The following ZBTB20 variants were observed in gnomAD, a reference collection of about 807,000 sequenced individuals.
ZBTB20 encodes the protein zinc finger and BTB domain containing 20.
Under a neutral mutation model 56.9 loss-of-function variants are expected in ZBTB20, and 9 were observed. That is an observed-to-expected ratio of 0.16 (90% confidence interval 0.10 to 0.28). ZBTB20 has a LOEUF of 0.28. Ranked by LOEUF, ZBTB20 falls within the 10% of genes least tolerant of loss-of-function variation. ZBTB20 has a pLI of 1.00. For missense variants in ZBTB20, 655 were observed against 1,003.0 expected (o/e 0.65, Z 4.69); for synonymous variants, 417 against 420.7 (o/e 0.99, Z 0.11).
intron 1 of ZBTB20, among the ~76,000 whole-genome samples, chr3:115,078,242 AATAG>A (rs2082664494): frequency 6.6e-6 from 1 of 152,216 alleles, no homozygotes; most frequent in Admixed American, 6.5e-5. Flanking sequence ...TGTTATTGCT[AATAG>A]ATATTCTATG....
intron 10 of ZBTB20, among the ~76,000 whole-genome samples, chr3:114,377,783 G>A (rs2083826756): frequency 6.6e-6 from 1 of 152,108 alleles, no homozygotes; most frequent in Admixed American, 6.5e-5. Context: ...CCATCTACCT[G>A]GGTGTCAATT....
chr3:115,067,221 T>C (rs1177369986), intron 2 of ZBTB20, among the ~76,000 whole-genome samples: 2 of 151,902 alleles, frequency 1.3e-5, no homozygotes, highest in Non-Finnish European at 2.9e-5. Context: ...CCAAATACTA[T>C]CCCCAACATA....
chr3:115,004,192 C>G (rs969695179), intron 2 of ZBTB20, among the ~76,000 whole-genome samples: 9 of 151,610 alleles, frequency 5.9e-5, no homozygotes, highest in African/African-American at 2.2e-4. Context: ...AAGAAATTAA[C>G]TCTGTGCTAC....
Position 114,947,868 on chromosome 3 carries a change from T to C in ZBTB20, c.-456+26498A>G, listed in dbSNP as rs1188666593. ...GACTCAAATAGTTTCACAGGTAAAT[T>C]ATTTCAAAAATTTAATGAAAAAAAA... On this transcript the variant is annotated intron_variant, in intron 3 of 11. Transcript: ENST00000675478. Among the ~76,000 whole-genome samples the C allele has an allele frequency of 2.8e-5, 4 of 145,354 alleles. 1 individual carries two copies. Among genetic ancestry groups the C allele is most frequent in the African/African-American group, 8.5e-5 (3 of 35,496 alleles).
chr3:114,389,223 C>T (rs1460852568), intron 7 of ZBTB20, 118 bp from the exon 8 acceptor site: 3 of 152,212 alleles, frequency 2.0e-5, no homozygotes, highest in Non-Finnish European at 4.4e-5. Context: ...TTGTTTGGTT[C>T]TACATCTTTG....
At chr3:114,362,143 T>G (rs1337424889) in intron 10 of ZBTB20, among the ~76,000 whole-genome samples, 1 of 152,154 alleles carries the variant, frequency 6.6e-6, no homozygotes, top group Non-Finnish European at 1.5e-5. Context: ...ATACGGGAAT[T>G]TTTTTGTACC....
chr3:115,128,669 AAAAAG>A (rs1163940273), intron 1 of ZBTB20, among the ~76,000 whole-genome samples: 27 of 148,360 alleles, frequency 1.8e-4, no homozygotes, highest in Admixed American at 4.0e-4. Flanking sequence ...GACTCAAAAA[AAAAAG>A]AAAAGAAAAG....
chr3:114,785,640 T>G (rs2070423133), intron 5 of ZBTB20, among the ~76,000 whole-genome samples: 1 of 152,170 alleles, frequency 6.6e-6, no homozygotes, highest in Non-Finnish European at 1.5e-5. Flanking sequence ...CCTGGTTTTA[T>G]TGAGGTAAAA....
At chr3:114,570,469 A>G (rs2053296231) in intron 6 of ZBTB20, among the ~76,000 whole-genome samples, 2 of 151,600 alleles carry the variant, frequency 1.3e-5, no homozygotes, top group African/African-American at 4.8e-5. Context: ...TATTAAAGCA[A>G]CTCTGCTAGA....
chr3:115,008,907 C>G (rs2079583230), intron 2 of ZBTB20, among the ~76,000 whole-genome samples: 1 of 151,894 alleles, frequency 6.6e-6, no homozygotes, highest in South Asian at 2.1e-4. Flanking sequence ...ACTATTTATG[C>G]TCCCACCAAT....
intron 2 of ZBTB20, among the ~76,000 whole-genome samples, chr3:114,985,170 A>C (rs2078484996): frequency 6.6e-6 from 1 of 152,098 alleles, no homozygotes; most frequent in Non-Finnish European, 1.5e-5. Flanking sequence ...TAAGGAGGCT[A>C]TCTGTCTTAT....
intron 5 of ZBTB20, among the ~76,000 whole-genome samples, chr3:114,773,708 T>G (rs6781098): frequency 6.6e-6 from 1 of 151,880 alleles, no homozygotes; most frequent in African/African-American, 2.4e-5. Context: ...TATAAAGGCA[T>G]GAAGATAATG....
At chr3:114,537,129 C>A (rs1045700731) in intron 6 of ZBTB20, among the ~76,000 whole-genome samples, 2 of 151,940 alleles carry the variant, frequency 1.3e-5, no homozygotes, top group Non-Finnish European at 2.9e-5. Flanking sequence ...AAACCCAAAA[C>A]TGACAAATGG....
At chr3:114,791,811 A>G (rs972593944) in intron 5 of ZBTB20, 4 of 126,424 alleles carry the variant, frequency 3.2e-5, no homozygotes, top group African/African-American at 9.9e-5. Context: ...ATTTTCCTAC[A>G]TCTTTGAAGA....
In ZBTB20 at chr3:114,656,136, G is replaced by C. The variant is rs541545939; in HGVS notation, c.-295+37392C>G. 7.2e-5 allele frequency among the ~76,000 whole-genome samples: 11 copies of C among 152,208 alleles called. No individual in the cohort carries two copies. The South Asian group carries it at 2.3e-3, about 32-fold the overall frequency. On this transcript the variant is annotated intron_variant, in intron 6 of 11. Transcript: ENST00000675478. ...TCATTAAGAAATGGCATTACATTTA[G>C]TATGAGGAATGAGTCGATGTTTGAT...
intron 2 of ZBTB20, among the ~76,000 whole-genome samples, chr3:114,976,483 G>A (rs933509298): frequency 6.6e-5 from 10 of 152,094 alleles, no homozygotes; most frequent in East Asian, 1.9e-4. Context: ...AAAATTAGCC[G>A]GGCGTGGTGG....
chr3:114,921,936 T>C lies in ZBTB20; in HGVS notation c.-455-21594A>G, dbSNP rs111871209. Among the ~76,000 whole-genome samples, 569 of 152,260 alleles carry C rather than the reference T, an allele frequency of 3.7e-3. 1 individual carries two copies. Among genetic ancestry groups the C allele is most frequent in the African/African-American group, 0.013 (541 of 41,542 alleles). On this transcript the variant is annotated intron_variant, in intron 3 of 11. Coordinates refer to ENST00000675478, the MANE Select transcript of ZBTB20 (RefSeq NM_001348800.3). ...TACAGAGCAATATCTTAGATGAATA[T>C]AGATACAAAAGTCTTCAACAAAGTA...
At chr3:114,783,924 T>G (rs957586815) in intron 5 of ZBTB20, among the ~76,000 whole-genome samples, 3 of 152,168 alleles carry the variant, frequency 2.0e-5, no homozygotes, top group African/African-American at 7.2e-5. Flanking sequence ...ACTAGTATAT[T>G]GAACAAAAAC....
chr3:114,717,120 C>T (rs917145976), intron 5 of ZBTB20, among the ~76,000 whole-genome samples: 1 of 152,078 alleles, frequency 6.6e-6, no homozygotes. Flanking sequence ...CCTTGCAGAG[C>T]CTTGGTTTCC....
Sources: gnomAD v4.1 joint callset for allele counts (sites outside exome capture counted in the v4.1 genomes callset) on GRCh38, gnomAD v4.1.1 for gene constraint, MANE v1.5 for transcripts, NCBI Gene and HGNC (gene_info 2026-07-23, HGNC 2026-07-21) for gene names.